Variants in TNKS observed in about 807,000 individuals in gnomAD.
TNKS encodes tankyrase, also known as poly [ADP-ribose] polymerase tankyrase-1.
Under a neutral mutation model 135.8 loss-of-function variants are expected in TNKS, and 72 were observed. That is an observed-to-expected ratio of 0.53 (90% CI 0.44 to 0.64). The LOEUF (loss-of-function observed/expected upper bound fraction) is 0.64, where lower values mean the gene tolerates loss of function less well. Ranked by LOEUF, TNKS falls within the 30% of genes least tolerant of loss-of-function variation. TNKS has a pLI of 0.00. For missense variants in TNKS, 1,769 were observed against 1,674.0 expected (o/e 1.06, Z -0.99); for synonymous variants, 849 against 649.3 (o/e 1.31, Z -4.68).
At chr8:9,608,588 CA>C (rs956905406) in intron 2 of TNKS, among the ~76,000 whole-genome samples, 12 of 152,152 alleles carry the variant, frequency 7.9e-5, no homozygotes, top group Admixed American at 7.9e-4. Context: ...TTTTGTCCTG[CA>C]CAGGTACAGC....
At chr8:9,648,237 G>A (rs981964280) in intron 3 of TNKS, among the ~76,000 whole-genome samples, 5 of 151,958 alleles carry the variant, frequency 3.3e-5, no homozygotes, top group South Asian at 2.1e-4. Context: ...TTTCTTCAAC[G>A]ATGAATTAAC....
chr8:9,745,724 C>T (rs12234900), intron 17 of TNKS, among the ~76,000 whole-genome samples: 3 of 151,854 alleles, frequency 2.0e-5, no homozygotes, highest in African/African-American at 7.3e-5. Flanking sequence ...TTTTTGGGGG[C>T]GTTTTTTGCT....
chr8:9,673,673 T>C (rs1450359052), intron 3 of TNKS, among the ~76,000 whole-genome samples: 1 of 152,080 alleles, frequency 6.6e-6, no homozygotes, highest in African/African-American at 2.4e-5. Context: ...ATTGAACTCC[T>C]GACCTCGTGA....
intron 2 of TNKS, among the ~76,000 whole-genome samples, chr8:9,605,098 A>C (rs943585839): frequency 6.6e-6 from 1 of 152,126 alleles, no homozygotes; most frequent in Non-Finnish European, 1.5e-5. Context: ...GTGTATACCC[A>C]TATAACTACC....
At chr8:9,688,275 TA>T (rs975545418) in intron 5 of TNKS, among the ~76,000 whole-genome samples, 8 of 152,144 alleles carry the variant, frequency 5.3e-5, no homozygotes, top group African/African-American at 1.9e-4. Context: ...CTATATTGTG[TA>T]AAAAAAGGCT....
At chr8:9,698,048 C>T (rs1043098711) in intron 5 of TNKS, among the ~76,000 whole-genome samples, 3 of 152,160 alleles carry the variant, frequency 2.0e-5, no homozygotes, top group South Asian at 2.1e-4. Flanking sequence ...GGTACATATA[C>T]ACCATGGAAT....
chr8:9,735,202 T>A lies in TNKS; in HGVS notation c.2533+118T>A, dbSNP rs932430960. ...GGACTACTTAGTAAAATGCTCTTGA[T>A]TGACATAGTTTTGTATAATTTCTTA... On this transcript the variant is annotated intron_variant, in intron 16 of 26. Coordinates refer to ENST00000310430, the MANE Select transcript of TNKS (RefSeq NM_003747.3). 1.0e-5 allele frequency: 12 copies of A among 1,155,632 alleles called. No homozygotes were observed. The African/African-American group carries it at 1.7e-4, about 17-fold the overall frequency. The allele number at this position is 1,155,632 out of a possible 1,614,324, so 71.6% of individuals were successfully genotyped here.
At chr8:9,664,092 A>T (rs1481025972) in intron 3 of TNKS, among the ~76,000 whole-genome samples, 1 of 152,112 alleles carries the variant, frequency 6.6e-6, no homozygotes, top group Non-Finnish European at 1.5e-5. Flanking sequence ...AGTCCATTTA[A>T]TGTGTTGCTG....
chr8:9,703,268 T>G (rs542072561), intron 5 of TNKS, among the ~76,000 whole-genome samples: 34 of 152,290 alleles, frequency 2.2e-4, no homozygotes, highest in African/African-American at 7.7e-4. Flanking sequence ...GTGGGCAGAT[T>G]TCATCAGGCT....
intron 3 of TNKS, among the ~76,000 whole-genome samples, chr8:9,651,238 G>T (rs983847427): frequency 4.6e-5 from 7 of 151,850 alleles, no homozygotes; most frequent in African/African-American, 1.7e-4. Context: ...ACTTCTGTTG[G>T]TTTTTTTAAT....
chr8:9,605,743 T>G (rs550830026), intron 2 of TNKS, among the ~76,000 whole-genome samples: 1 of 152,108 alleles, frequency 6.6e-6, no homozygotes, highest in African/African-American at 2.4e-5. Context: ...TTTATATATC[T>G]TCTTCTGTGA....
At chr8:9,606,615 C>G (rs1228328362) in intron 2 of TNKS, among the ~76,000 whole-genome samples, 1 of 151,980 alleles carries the variant, frequency 6.6e-6, no homozygotes, top group East Asian at 1.9e-4. Context: ...TTCTTTAAGT[C>G]TTTGAAATTT....
intron 14 of TNKS, among the ~76,000 whole-genome samples, chr8:9,731,433 T>C (rs13252338): frequency 0.7 from 101,003 of 143,812 alleles, 35,948 homozygotes; most frequent in Admixed American, 0.8. Flanking sequence ...GCACTCCAGC[T>C]TGGGCAACAA....
intron 11 of TNKS, among the ~76,000 whole-genome samples, chr8:9,715,589 C>G (rs1356508183): frequency 6.6e-6 from 1 of 152,036 alleles, no homozygotes; most frequent in African/African-American, 2.4e-5. Context: ...CAGTGAAGAC[C>G]AAAAGAGTCT....
At chr8:9,729,340 T>C (rs1805310326) in intron 13 of TNKS, among the ~76,000 whole-genome samples, 1 of 152,176 alleles carries the variant, frequency 6.6e-6, no homozygotes, top group African/African-American at 2.4e-5. Context: ...TTTTTCAGGT[T>C]CTTAATTTTT....
Position 9,747,969 on chromosome 8 carries a change from T to C in TNKS, c.2644-55T>C, listed in dbSNP as rs976287217. 11 of 1,509,736 alleles carry C rather than the reference T, an allele frequency of 7.3e-6. No individual in the cohort carries two copies. The Admixed American group carries it at 2.2e-4, about 30-fold the overall frequency. 93.5% of individuals were successfully genotyped at this position (1,509,736 alleles called of 1,614,324 possible). ...AAATAAAAACAGGTATACACAATGG[T>C]GCTTTACCAGATGATCTCATTCTTA... On this transcript the variant is annotated intron_variant, in intron 17 of 26. Coordinates refer to ENST00000310430, the MANE Select transcript of TNKS (RefSeq NM_003747.3).
At chr8:9,566,283 G>T (rs1402655347) in intron 1 of TNKS, 2 of 152,066 alleles carry the variant, frequency 1.3e-5, no homozygotes, top group African/African-American at 2.4e-5. Flanking sequence ...TTTGGAAAAA[G>T]AAAACTTTTT....
At chr8:9,654,065 A>G (rs1297600063) in intron 3 of TNKS, among the ~76,000 whole-genome samples, 1 of 152,188 alleles carries the variant, frequency 6.6e-6, no homozygotes, top group Non-Finnish European at 1.5e-5. Context: ...AAAAAATTTC[A>G]AGGAACAATT....
intron 5 of TNKS, among the ~76,000 whole-genome samples, chr8:9,700,105 G>C (rs1803724679): frequency 6.6e-6 from 1 of 152,012 alleles, no homozygotes; most frequent in Non-Finnish European, 1.5e-5. Context: ...CTCTAGAGTG[G>C]TTTAGACCAG....
Sources: gnomAD v4.1 joint callset for allele counts (sites outside exome capture counted in the v4.1 genomes callset) on GRCh38, gnomAD v4.1.1 for gene constraint, MANE v1.5 for transcripts, NCBI Gene and HGNC (gene_info 2026-07-23, HGNC 2026-07-21) for gene names.